The following TTYH1 variants were observed in gnomAD, a reference collection of about 807,000 sequenced individuals.
TTYH1 encodes protein tweety homolog 1.
TTYH1 carries 33 observed loss-of-function variants against 61.2 expected under a neutral mutation model. That is an observed-to-expected ratio of 0.54 (90% confidence interval 0.41 to 0.72). TTYH1 has a LOEUF of 0.72. TTYH1 is among the 30% of genes least tolerant of loss of function. The pLI is 0.00. For synonymous variants in TTYH1, 308 were observed against 266.4 expected (o/e 1.16, Z -1.52); for missense variants, 538 against 575.8 (o/e 0.93, Z 0.67).
At chr19:54,418,836 G>C in intron 1 of TTYH1, 1 of 369,750 alleles carries the variant, frequency 2.7e-6, no homozygotes, top group Non-Finnish European at 4.8e-6. Context: ...GCTCGGAGAA[G>C]GGGCGGTTCC....
chr19:54,430,776 C>T, intron 8 of TTYH1, 37 bp from the exon 9 acceptor site: 1 of 1,605,586 alleles, frequency 6.2e-7, no homozygotes. Context: ...GGGGCGTATA[C>T]TCCTGGGTCC....
Position 54,429,833 on chromosome 19 carries a change from G to T in TTYH1, c.808-49G>T. ...AGGCACTGGGTGCTGTGGGAGTGTG[G>T]AATCGGGGCAGTTTTGGGTTTGAGC... On this transcript the variant is annotated intron_variant, in intron 6 of 13. Transcript: ENST00000376530. This position sits in a 1 kb window ranked among gnomAD's most constrained non-coding sequence, Gnocchi z 5.1. 2 of 1,547,928 alleles carry T rather than the reference G, an allele frequency of 1.3e-6. No homozygotes were observed. The highest frequency in any genetic ancestry group is 2.2e-5 in the East Asian group (1 of 44,538).
At position 54,429,460 on chromosome 19, in the gene TTYH1, G is replaced by A. The variant is rs989830148; in HGVS notation, c.807+81G>A. 7.5e-7 allele frequency: 1 copy of A among 1,332,238 alleles called. No individual in the cohort carries two copies. The highest frequency in any genetic ancestry group is 1.4e-5 in the African/African-American group (1 of 69,230). 82.5% of individuals were successfully genotyped at this position (1,332,238 alleles called of 1,614,324 possible). A position where few individuals can be genotyped will look rare whatever the true frequency, so the allele number is the denominator to read the frequency against. ...AACTTCTGGATCTCGGGATGGCATG[G>A]CTTAGTAGAGAAAGGAATTGGGGGG... On this transcript the variant is annotated intron_variant, in intron 6 of 13. Transcript: ENST00000376530. The surrounding 1 kb of genome is among the most constrained non-coding windows in gnomAD (Gnocchi z 5.1).
Position 54,434,599 on chromosome 19 carries a change from C to T in TTYH1, c.1126-943C>T, listed in dbSNP as rs144331812. 1.3e-4 allele frequency: 20 copies of T among 152,484 alleles called. No homozygotes were observed. Among genetic ancestry groups the T allele is most frequent in the African/African-American group, 4.8e-4 (20 of 41,584 alleles). 9.4% of individuals were successfully genotyped at this position (152,484 alleles called of 1,614,324 possible). On this transcript the variant is annotated intron_variant, in intron 10 of 13. Coordinates refer to ENST00000376530, the MANE Select transcript of TTYH1 (RefSeq NM_020659.4). The surrounding 1 kb of genome is among the most constrained non-coding windows in gnomAD (Gnocchi z 4.3). Reference sequence around the variant, plus strand: ...AAGTTTCCTGGTACTGGGGGCAGCGCCTGGGGCAGAGCAGGCTCTGTCAAC... The same window carrying T: ...AAGTTTCCTGGTACTGGGGGCAGCGTCTGGGGCAGAGCAGGCTCTGTCAAC...
At position 54,419,927 on chromosome 19, in the gene TTYH1, G is replaced by T. The variant is rs942376176; in HGVS notation, c.305+621G>T. 2.6e-5 allele frequency among the ~76,000 whole-genome samples: 4 copies of T among 152,172 alleles called. No homozygotes were observed. The highest frequency in any genetic ancestry group is 2.9e-5 in the Non-Finnish European group (2 of 68,028). ...CACCCTCCAAGAGCACCTCATCTGT[G>T]CCCAGACCTGAGCTGGTCTAATTCC... is the stretch of plus-strand genomic sequence containing the variant. On this transcript the variant is annotated intron_variant, in intron 2 of 13. Coordinates refer to ENST00000376530, the MANE Select transcript of TTYH1 (RefSeq NM_020659.4). The surrounding 1 kb of genome is among the most constrained non-coding windows in gnomAD (Gnocchi z 6.1).
At position 54,430,430 on chromosome 19, in the gene TTYH1, G is replaced by A. The variant is rs903215549; in HGVS notation, c.884-120G>A. The stretch of plus-strand genomic sequence containing the variant: ...GCGGGTCTCTGAAGGTAAGGCCATC[G>A]GGCTCCAGGGCTGGGCTGAGGCCCC... On this transcript the variant is annotated intron_variant, in intron 7 of 13. Coordinates refer to ENST00000376530, the MANE Select transcript of TTYH1 (RefSeq NM_020659.4). The A allele has an allele frequency of 7.4e-6, 8 of 1,083,308 alleles. No homozygotes were observed. The African/African-American group carries it at 1.2e-4, about 17-fold the overall frequency. The allele number at this position is 1,083,308 out of a possible 1,614,324, so 67.1% of individuals were successfully genotyped here. A position where few individuals can be genotyped will look rare whatever the true frequency, so the allele number is the denominator to read the frequency against.
At position 54,421,362 on chromosome 19, in the gene TTYH1, C is replaced by A. The variant is rs201784932; in HGVS notation, c.391C>A (p.His131Asn). 8.4e-5 allele frequency: 136 copies of A among 1,613,542 alleles called. No homozygotes were observed. The highest frequency in any genetic ancestry group is 1.1e-4 in the Non-Finnish European group (131 of 1,179,680). Residue 131 changes from histidine (H) to asparagine (N), a missense_variant, in exon 3 of 14, where the codon CAC becomes AAC. Coordinates refer to ENST00000376530, the MANE Select transcript of TTYH1 (RefSeq NM_020659.4). This position sits in a 1 kb window ranked among gnomAD's most constrained non-coding sequence, Gnocchi z 4.8. ...QLSSALLHANHTLSTIDHLVL... is the reference protein window; with the variant it reads ...QLSSALLHANNTLSTIDHLVL... ...CAGCTCTGCGCTGCTGCACGCCAAC[C>A]ACACACTCAGCACCATTGACCACCT... is the stretch of plus-strand genomic sequence containing the variant.
chr19:54,421,524 G>C lies in TTYH1; in HGVS notation c.417+136G>C. The C allele has an allele frequency of 1.5e-6, 1 of 676,240 alleles. No homozygotes were observed. 41.9% of individuals were successfully genotyped at this position (676,240 alleles called of 1,614,324 possible). On this transcript the variant is annotated intron_variant, in intron 3 of 13. Transcript: ENST00000376530. This position sits in a 1 kb window ranked among gnomAD's most constrained non-coding sequence, Gnocchi z 4.8. The stretch of plus-strand genomic sequence containing the variant: ...GAACCCAGATTCAGAACTTCATCCT[G>C]AGACCCACAGACCTCAGACTATCCA...
chr19:54,423,101 TCAGCA>T (rs1259216370), intron 4 of TTYH1, among the ~76,000 whole-genome samples: 4 of 151,956 alleles, frequency 2.6e-5, no homozygotes, highest in Non-Finnish European at 5.9e-5. Context: ...ACTCACTCAT[TCAGCA>T]AGTCACTCTT....
intron 1 of TTYH1, among the ~76,000 whole-genome samples, chr19:54,417,923 C>G (rs1012892766): frequency 3.9e-5 from 6 of 152,104 alleles, no homozygotes; most frequent in Non-Finnish European, 8.8e-5. Context: ...GAGACACACT[C>G]AGGTGCCCCC....
Position 54,419,406 on chromosome 19 carries a change from C to A in TTYH1, c.305+100C>A. The A allele has an allele frequency of 7.7e-7, 1 of 1,298,838 alleles. No individual in the cohort carries two copies. Among genetic ancestry groups the A allele is most frequent in the Non-Finnish European group, 1.1e-6 (1 of 929,656 alleles). The allele number at this position is 1,298,838 out of a possible 1,614,324, so 80.5% of individuals were successfully genotyped here. ...CCTCCGGGGACATGGAGGAAGCAGA[C>A]AGGAAGGAGGAAACTCCCTCGTCCC... On this transcript the variant is annotated intron_variant, in intron 2 of 13. Transcript: ENST00000376530. This position sits in a 1 kb window ranked among gnomAD's most constrained non-coding sequence, Gnocchi z 6.1.
rs1038250118 is a variant in TTYH1 at position 54,421,748 on chromosome 19, G to A, written c.417+360G>A. On this transcript the variant is annotated intron_variant, in intron 3 of 13. Transcript: ENST00000376530. This position sits in a 1 kb window ranked among gnomAD's most constrained non-coding sequence, Gnocchi z 4.8. ...CCCCCGCCCTGAGGCCCAGGTCCCC[G>A]ACTTGAGGCTTCAGCTCCGACATCA... Among the ~76,000 whole-genome samples, 5 of 152,050 alleles carry A rather than the reference G, an allele frequency of 3.3e-5. No individual in the cohort carries two copies. Among genetic ancestry groups the A allele is most frequent in the Non-Finnish European group, 7.4e-5 (5 of 67,994 alleles).
rs1426888758 is a variant in TTYH1, at chr19:54,429,496, G to C, written c.807+117G>C. 2.1e-6 allele frequency: 2 copies of C among 953,746 alleles called. No homozygotes were observed. Among genetic ancestry groups the C allele is most frequent in the African/African-American group, 3.2e-5 (2 of 61,850 alleles). 59.1% of individuals were successfully genotyped at this position (953,746 alleles called of 1,614,324 possible). On this transcript the variant is annotated intron_variant, in intron 6 of 13. Transcript: ENST00000376530. This position sits in a 1 kb window ranked among gnomAD's most constrained non-coding sequence, Gnocchi z 5.1. ...AAAGGAATTGGGGGGCACGATCACA[G>C]CTCTGAGGTTTAGGGCTTGTTTCCT...
chr19:54,424,586 CCTT>C (rs2083285218), intron 4 of TTYH1, among the ~76,000 whole-genome samples: 2 of 152,214 alleles, frequency 1.3e-5, no homozygotes, highest in South Asian at 2.1e-4. Flanking sequence ...GGCCTCAGCT[CCTT>C]CTCCTGGGCG....
In TTYH1 at chr19:54,430,977, G is replaced by A. The variant is rs2083428637; in HGVS notation, c.1032+72G>A. On this transcript the variant is annotated intron_variant, in intron 9 of 13. Coordinates refer to ENST00000376530, the MANE Select transcript of TTYH1 (RefSeq NM_020659.4). The stretch of plus-strand genomic sequence containing the variant: ...CGGACGGGGCGGGATGGAGCTGTGG[G>A]GCGTAGGCGGGGCTGCAGAGCTAGG... 28 of 1,566,132 alleles carry A rather than the reference G, an allele frequency of 1.8e-5. 1 individual carries two copies. The South Asian group carries it at 2.8e-4, about 16-fold the overall frequency.
intron 10 of TTYH1, 158 bp downstream of exon 10, chr19:54,431,349 C>T (rs2083440888): frequency 3.3e-6 from 2 of 613,474 alleles, no homozygotes; most frequent in East Asian, 5.6e-5. Context: ...CTATTCTCTA[C>T]CTATTTATAA....
chr19:54,423,055 C>T lies in TTYH1; in HGVS notation c.638+645C>T, dbSNP rs146605780. 1.8e-3 allele frequency among the ~76,000 whole-genome samples: 273 copies of T among 152,118 alleles called. 2 individuals carry two copies. The highest frequency in any genetic ancestry group is 0.017 in the Middle Eastern group (5 of 294). ...TCACTCACTCACCCCCTCCACGTCA[C>T]TCCACTCACTTATTCACACATGCGT... On this transcript the variant is annotated intron_variant, in intron 4 of 13. Coordinates refer to ENST00000376530, the MANE Select transcript of TTYH1 (RefSeq NM_020659.4).
rs1170081201 is a variant in TTYH1, at chr19:54,421,747, C to T, written c.417+359C>T. On this transcript the variant is annotated intron_variant, in intron 3 of 13. Coordinates refer to ENST00000376530, the MANE Select transcript of TTYH1 (RefSeq NM_020659.4). This position sits in a 1 kb window ranked among gnomAD's most constrained non-coding sequence, Gnocchi z 4.8. Reference sequence around the variant, plus strand: ...ACCCCCGCCCTGAGGCCCAGGTCCCCGACTTGAGGCTTCAGCTCCGACATC... The same window carrying T: ...ACCCCCGCCCTGAGGCCCAGGTCCCTGACTTGAGGCTTCAGCTCCGACATC... 2.0e-5 allele frequency among the ~76,000 whole-genome samples: 3 copies of T among 152,078 alleles called. No individual in the cohort carries two copies. The highest frequency in any genetic ancestry group is 2.9e-5 in the Non-Finnish European group (2 of 67,996).
chr19:54,426,402 A>T, intron 4 of TTYH1: 1 of 499,948 alleles, frequency 2.0e-6, no homozygotes, highest in African/African-American at 1.9e-5. Context: ...CCCTGGTCAC[A>T]GGGCACATGT....
Sources: allele counts gnomAD v4.1 joint callset (sites outside exome capture counted in the v4.1 genomes callset), GRCh38; gene constraint gnomAD v4.1.1; non-coding constraint Gnocchi (gnomAD v3.1); transcripts MANE v1.5; gene names NCBI Gene and HGNC (gene_info 2026-07-23, HGNC 2026-07-21).